The following BAZ2B variants were observed in gnomAD, a reference collection of about 807,000 sequenced individuals.
BAZ2B encodes the protein bromodomain adjacent to zinc finger domain protein 2B.
In BAZ2B, 91 loss-of-function variants were observed where a neutral mutation model predicts 246.0. The observed-to-expected ratio is 0.37, with a 90% CI of 0.31 to 0.44. The LOEUF (loss-of-function observed/expected upper bound fraction) is 0.44. Ranked by LOEUF, BAZ2B falls within the 20% of genes least tolerant of loss-of-function variation. BAZ2B has a pLI of 1.00. For synonymous variants in BAZ2B, 855 were observed against 860.0 expected (o/e 0.99, Z 0.10); for missense variants, 2,332 against 2,533.7 (o/e 0.92, Z 1.71).
At chr2:159,323,282 G>A (rs913471924) in intron 36 of BAZ2B, among the ~76,000 whole-genome samples, 3 of 151,968 alleles carry the variant, frequency 2.0e-5, no homozygotes. Context: ...ACCTTGCCTG[G>A]CCCATATGAT....
chr2:159,570,987 G>A (rs1436418749), intron 1 of BAZ2B, among the ~76,000 whole-genome samples: 3 of 152,058 alleles, frequency 2.0e-5, no homozygotes, highest in Non-Finnish European at 4.4e-5. Flanking sequence ...CCAAGTAGCT[G>A]GGGTTACAGG....
rs184894004 is a variant in BAZ2B at position 159,351,066 on chromosome 2, T to A, written c.4214-709A>T. On this transcript the variant is annotated intron_variant, in intron 27 of 36. Coordinates refer to ENST00000392783, the MANE Select transcript of BAZ2B (RefSeq NM_013450.4). ...AAAACTTAAAGTATAATAATAATAA[T>A]AAAAAATTAAAATCCAAAAATATTA... 4.4e-3 allele frequency among the ~76,000 whole-genome samples: 664 copies of A among 151,998 alleles called. 3 individuals carry two copies. Among genetic ancestry groups the A allele is most frequent in the African/African-American group, 0.014 (593 of 41,458 alleles).
intron 1 of BAZ2B, among the ~76,000 whole-genome samples, chr2:159,590,874 A>T (rs1466989970): frequency 6.6e-6 from 1 of 152,212 alleles, no homozygotes; most frequent in Non-Finnish European, 1.5e-5. Context: ...CAGCACTTTT[A>T]AAAGGCTTCT....
chr2:159,568,911 C>T (rs72960228), intron 1 of BAZ2B, among the ~76,000 whole-genome samples: 85 of 152,240 alleles, frequency 5.6e-4, no homozygotes, highest in Non-Finnish European at 1.0e-3. Context: ...AATTGTAATT[C>T]ACTACTATCT....
chr2:159,421,778 T>C (rs779446084), intron 13 of BAZ2B, among the ~76,000 whole-genome samples: 1 of 151,818 alleles, frequency 6.6e-6, no homozygotes, highest in Non-Finnish European at 1.5e-5. Context: ...GGCATCCAAA[T>C]AGGAAGAGAG....
chr2:159,496,921 T>C (rs181279195), intron 2 of BAZ2B, among the ~76,000 whole-genome samples: 133 of 152,036 alleles, frequency 8.7e-4, no homozygotes, highest in Admixed American at 5.0e-3. Context: ...TGTGTTGAAA[T>C]AGGTGGTGTA....
At chr2:159,545,498 T>A (rs1487776131) in intron 2 of BAZ2B, among the ~76,000 whole-genome samples, 1 of 152,192 alleles carries the variant, frequency 6.6e-6, no homozygotes, top group East Asian at 1.9e-4. Context: ...GAATTTCAAG[T>A]TGTTAAAATA....
intron 2 of BAZ2B, among the ~76,000 whole-genome samples, chr2:159,482,580 T>C (rs577535376): frequency 6.6e-6 from 1 of 152,306 alleles, no homozygotes; most frequent in African/African-American, 2.4e-5. Context: ...ATACTATTTA[T>C]AGATTATGTA....
intron 3 of BAZ2B, among the ~76,000 whole-genome samples, chr2:159,471,710 G>A (rs1332350682): frequency 1.3e-5 from 2 of 152,100 alleles, no homozygotes; most frequent in Non-Finnish European, 2.9e-5. Context: ...TAATGATAAA[G>A]TACAGAAGAA....
intron 31 of BAZ2B, among the ~76,000 whole-genome samples, chr2:159,338,128 A>G (rs988206798): frequency 7.2e-5 from 11 of 152,238 alleles, no homozygotes; most frequent in Middle Eastern, 6.8e-3. Context: ...TTCTGTTTTC[A>G]TTCCTTCCAT....
chr2:159,320,493 AG>A, intron 36 of BAZ2B, 75 bp from the exon 37 acceptor site: 1 of 1,293,184 alleles, frequency 7.7e-7, no homozygotes. Context: ...GAGTTAATAA[AG>A]GGTAAAAATG....
chr2:159,574,399 A>T (rs958328441), intron 1 of BAZ2B, among the ~76,000 whole-genome samples: 10 of 152,166 alleles, frequency 6.6e-5, no homozygotes, highest in African/African-American at 2.2e-4. Context: ...GATGTGGGGA[A>T]ACTGGAACCC....
intron 6 of BAZ2B, among the ~76,000 whole-genome samples, chr2:159,446,097 G>C (rs963007108): frequency 5.3e-5 from 8 of 152,096 alleles, no homozygotes; most frequent in Non-Finnish European, 1.2e-4. Context: ...CAGTGCAACA[G>C]AGCCAGACTC....
Position 159,616,298 on chromosome 2 carries a change from G to A in BAZ2B, c.-102C>T, listed in dbSNP as rs1296575390. ...GGGATTTTTGCCTTTTCCCCAGATGGTTGAAGGTTAAGATTTTTGGAAACC... is the reference window on the plus strand; with the variant it reads ...GGGATTTTTGCCTTTTCCCCAGATGATTGAAGGTTAAGATTTTTGGAAACC... On this transcript the variant is annotated 5_prime_UTR_variant, in exon 1 of 37. Coordinates refer to ENST00000392783, the MANE Select transcript of BAZ2B (RefSeq NM_013450.4). 1 of 152,236 alleles carries A rather than the reference G, an allele frequency of 6.6e-6. No individual in the cohort carries two copies. 9.4% of individuals were successfully genotyped at this position (152,236 alleles called of 1,614,324 possible).
At chr2:159,379,235 C>T (rs1249281549) in intron 25 of BAZ2B, among the ~76,000 whole-genome samples, 8 of 152,152 alleles carry the variant, frequency 5.3e-5, no homozygotes, top group Non-Finnish European at 1.2e-4. Flanking sequence ...AAACCAGTCA[C>T]AGAAAGTCAA....
intron 2 of BAZ2B, among the ~76,000 whole-genome samples, chr2:159,497,740 C>A (rs2081313629): frequency 6.6e-6 from 1 of 151,950 alleles, no homozygotes; most frequent in Admixed American, 6.6e-5. Context: ...AGTTGAGTGG[C>A]CTTGAGAGAG....
At chr2:159,706,084 A>AACACACAC in the BAZ2B span, among the ~76,000 whole-genome samples, 51 of 149,660 alleles carry the variant, frequency 3.4e-4, no homozygotes, top group Non-Finnish European at 6.8e-4. Flanking sequence ...AAACATATAT[A>AACACACAC]ACACACACAC....
rs1381657004 is a variant in BAZ2B, at chr2:159,383,472, T to C, written c.3761+134A>G. 2.0e-5 allele frequency: 15 copies of C among 762,418 alleles called. No individual in the cohort carries two copies. In the East Asian group the frequency reaches 4.1e-4, roughly 21 times the overall value. 47.2% of individuals were successfully genotyped at this position (762,418 alleles called of 1,614,324 possible). On this transcript the variant is annotated intron_variant, in intron 24 of 36. Coordinates refer to ENST00000392783, the MANE Select transcript of BAZ2B (RefSeq NM_013450.4). ...CTGCCCCTGAGTTTTATTAATTTTA[T>C]ATCCCATCTAAATTGAGCATTATCT...
chr2:159,344,686 AAC>A (rs1559032370), intron 31 of BAZ2B, among the ~76,000 whole-genome samples: 2 of 152,226 alleles, frequency 1.3e-5, no homozygotes, highest in African/African-American at 4.8e-5. Flanking sequence ...AATGCTATAC[AAC>A]CATAAAAAGA....
Sources: allele counts gnomAD v4.1 joint callset (sites outside exome capture counted in the v4.1 genomes callset), GRCh38; gene constraint gnomAD v4.1.1; transcripts MANE v1.5; gene names NCBI Gene and HGNC (gene_info 2026-07-23, HGNC 2026-07-21).